The following SUGP2 variants were observed in gnomAD, a reference collection of about 807,000 sequenced individuals.
SUGP2 encodes the protein SURP and G-patch domain containing 2, also known as SURP and G-patch domain-containing protein 2.
SUGP2 carries 24 observed loss-of-function variants against 90.5 expected under a neutral mutation model. The ratio of observed to expected loss-of-function variants is 0.27; its 90% confidence interval spans 0.19 to 0.37. The LOEUF (loss-of-function observed/expected upper bound fraction) is 0.37, where lower values mean the gene tolerates loss of function less well. Ranked by LOEUF, SUGP2 falls within the 10% of genes least tolerant of loss-of-function variation. The pLI is 1.00. For missense variants in SUGP2, 1,233 were observed against 1,363.3 expected (o/e 0.90, Z 1.51); for synonymous variants, 473 against 513.4 (o/e 0.92, Z 1.06).
At chr19:19,011,828 C>A (rs2058324617) in intron 4 of SUGP2, among the ~76,000 whole-genome samples, 1 of 152,150 alleles carries the variant, frequency 6.6e-6, no homozygotes, top group Non-Finnish European at 1.5e-5. Flanking sequence ...GAAACCCCAT[C>A]TCTTTAAAAA....
At chr19:19,020,338 A>G (rs191312991) in intron 3 of SUGP2, among the ~76,000 whole-genome samples, 1 of 151,538 alleles carries the variant, frequency 6.6e-6, no homozygotes, top group Admixed American at 6.6e-5. Context: ...AGGCTGAGGC[A>G]GGAGAATAGC....
Position 19,019,095 on chromosome 19 carries a change from A to T in SUGP2, c.1850+14T>A. 1 of 1,610,488 alleles carries T rather than the reference A, an allele frequency of 6.2e-7. No individual in the cohort carries two copies. Among genetic ancestry groups the T allele is most frequent in the Non-Finnish European group, 8.5e-7 (1 of 1,177,046 alleles). ...CATGAGAGGGATTCACAGCGTGGAC[A>T]TTTAAAGACCTACCAGTAAGCAGGG... On this transcript the variant is annotated intron_variant, in intron 4 of 10. Coordinates refer to ENST00000452918, the MANE Select transcript of SUGP2 (RefSeq NM_001017392.5).
At chr19:19,006,735 A>C (rs2058091090) in intron 6 of SUGP2, among the ~76,000 whole-genome samples, 1 of 152,202 alleles carries the variant, frequency 6.6e-6, no homozygotes, top group Non-Finnish European at 1.5e-5. Flanking sequence ...CAGCTCCCCA[A>C]GGCCACTACT....
At chr19:19,015,695 C>T (rs886963073) in intron 4 of SUGP2, among the ~76,000 whole-genome samples, 1 of 151,994 alleles carries the variant, frequency 6.6e-6, no homozygotes, top group Non-Finnish European at 1.5e-5. Context: ...ATTAGAGACA[C>T]GGTTTCACTA....
At chr19:19,027,111 C>T (rs971416624) in intron 2 of SUGP2, among the ~76,000 whole-genome samples, 2 of 152,224 alleles carry the variant, frequency 1.3e-5, no homozygotes, top group South Asian at 2.1e-4. Context: ...GAGACCCTAT[C>T]TCTGTCAAAA....
At position 18,994,850 on chromosome 19, in the gene SUGP2, T is replaced by G. The variant is rs2057509939; in HGVS notation, c.3128+294A>C. 3 of 549,222 alleles carry G rather than the reference T, an allele frequency of 5.5e-6. No individual in the cohort carries two copies. In the South Asian group the frequency reaches 6.4e-5, roughly 12 times the overall value. The allele number at this position is 549,222 out of a possible 1,614,324, so 34.0% of individuals were successfully genotyped here. On this transcript the variant is annotated intron_variant, in intron 9 of 10. Coordinates refer to ENST00000452918, the MANE Select transcript of SUGP2 (RefSeq NM_001017392.5). Reference sequence around the variant, plus strand: ...TGGGTTCCCGGGAATGGGAAAGCAGTTCCAGACGGAAACTACACAGAAATA... The same window carrying G: ...TGGGTTCCCGGGAATGGGAAAGCAGGTCCAGACGGAAACTACACAGAAATA...
Position 19,004,372 on chromosome 19 carries a change from G to C in SUGP2, c.2725C>G (p.Pro909Ala). The stretch of plus-strand genomic sequence containing the variant: ...CCCTCAGACTTGCCCGCCCCTCCAG[G>C]AGCGGGGGCCTCCTCTCCCCCATCC... ...DEDGGEEAPA[P>A]GGAGKSEGST... is the part of the protein sequence containing the mutation. The change falls in exon 7 of 11, where the codon CCT becomes GCT. Residue 909 changes from proline to alanine, a missense_variant. Coordinates refer to ENST00000452918, the MANE Select transcript of SUGP2 (RefSeq NM_001017392.5). The C allele has an allele frequency of 6.2e-7, 1 of 1,613,810 alleles. No homozygotes were observed. The highest frequency in any genetic ancestry group is 1.3e-5 in the African/African-American group (1 of 75,048).
In SUGP2 at chr19:18,994,328, G is replaced by A. The variant is rs113454073; in HGVS notation, c.*38C>T. On this transcript the variant is annotated intron_variant, in intron 10 of 10. Coordinates refer to ENST00000452918, the MANE Select transcript of SUGP2 (RefSeq NM_001017392.5). ...TTTCTCTGCATACCAGCACGCCAGC[G>A]AGGGCAGACGGCCTTACACACTGGC... 1.3e-5 allele frequency: 20 copies of A among 1,599,290 alleles called. 1 individual carries two copies. Among genetic ancestry groups the A allele is most frequent in the African/African-American group, 1.1e-4 (8 of 74,656 alleles).
At chr19:19,031,900 GC>G (rs2059173769) in intron 1 of SUGP2, among the ~76,000 whole-genome samples, 1 of 146,726 alleles carries the variant, frequency 6.8e-6, no homozygotes, top group African/African-American at 2.5e-5. Flanking sequence ...CTGACCTCAA[GC>G]AATCTGCCCA....
intron 3 of SUGP2, 63 bp from the exon 4 acceptor site, chr19:19,019,292 A>G (rs2058619369): frequency 7.7e-6 from 12 of 1,558,880 alleles, no homozygotes; most frequent in Non-Finnish European, 9.6e-6. Flanking sequence ...GAAGACGAGG[A>G]TAGTTGAGTA....
chr19:19,004,402 C>T lies in SUGP2; in HGVS notation c.2695G>A (p.Asp899Asn), dbSNP rs1444838057. ...GGGGCCTCCTCTCCCCCATCCTCAT[C>T]GTCCTCGTCCTCCTCCTCAGGCATC... Reference protein sequence around the residue: ...EVMPEEEDEDDEDGGEEAPAP... With the variant: ...EVMPEEEDEDNEDGGEEAPAP... Residue 899 changes from aspartate to asparagine, a missense_variant, in exon 7 of 11, where the codon GAT becomes AAT. By Grantham distance (23) the Asp-to-Asn change is conservative. Around this residue, in one of 8 missense-constraint regions of SUGP2, gnomAD observed 540 missense variants for 542.6 expected, o/e 1.00. Transcript: ENST00000452918. The T allele has an allele frequency of 2.2e-5, 35 of 1,614,020 alleles. No individual in the cohort carries two copies. The highest frequency in any genetic ancestry group is 2.5e-5 in the Non-Finnish European group (30 of 1,180,042).
In SUGP2 at chr19:18,999,280, C is replaced by T. The variant is rs77030423; in HGVS notation, c.2991+2333G>A. The stretch of plus-strand genomic sequence containing the variant: ...CCTCCCTTCCACCCACAGTCACTGG[C>T]AGACAGGAGGACAGGTGCAGAGCCC... On this transcript the variant is annotated intron_variant, in intron 8 of 10. Transcript: ENST00000452918. Among the ~76,000 whole-genome samples the T allele has an allele frequency of 6.0e-3, 916 of 152,288 alleles. 9 individuals carry two copies. Among genetic ancestry groups the T allele is most frequent in the African/African-American group, 0.019 (802 of 41,562 alleles).
chr19:19,025,430 A>T lies in SUGP2; in HGVS notation c.918T>A (p.Asn306Lys), dbSNP rs1568455017. The T allele has an allele frequency of 1.2e-6, 2 of 1,614,206 alleles. No homozygotes were observed. Among genetic ancestry groups the T allele is most frequent in the Non-Finnish European group, 1.7e-6 (2 of 1,180,044 alleles). Residue 306 changes from asparagine (N) to lysine (K), a missense_variant, in exon 3 of 11, where the codon AAT becomes AAA. Physicochemically the swap from Asn to Lys is moderately conservative, Grantham distance 94. Coordinates refer to ENST00000452918, the MANE Select transcript of SUGP2 (RefSeq NM_001017392.5). ...QKIPLGLDLK[N>K]LRLPRRKMSF... is the part of the protein sequence containing the mutation. ...TCATCTTTCTTCTGGGGAGCCGAAG[A>T]TTCTTCAGATCCAGCCCCAGAGGGA...
In SUGP2 at chr19:18,994,459, C is replaced by A. The variant is rs747310264; in HGVS notation, c.3156G>T (p.Leu1052Phe). 21 of 1,614,076 alleles carry A rather than the reference C, an allele frequency of 1.3e-5. No homozygotes were observed. The highest frequency in any genetic ancestry group is 1.6e-5 in the Non-Finnish European group (19 of 1,180,020). The change falls in exon 10 of 11, where the codon TTG (leucine) becomes TTT (phenylalanine). Residue 1052 changes from leucine to phenylalanine, a missense_variant. Physicochemically the swap from Leu to Phe is conservative, Grantham distance 22. Around this residue, in one of 8 missense-constraint regions of SUGP2, gnomAD observed 53 missense variants for 55.3 expected, o/e 0.96. Coordinates refer to ENST00000452918, the MANE Select transcript of SUGP2 (RefSeq NM_001017392.5). ...CTTTGTGCTCCTGCCCGTCAGCACC[C>A]AACCCTTCCCCTTCCGAGGGGGTTC... ...SVGTPSEGEG[L>F]GADGQEHKED...
chr19:19,002,505 G>GTTTTTTTTTTTTTT (rs58282570), intron 7 of SUGP2, among the ~76,000 whole-genome samples: 1 of 61,102 alleles, frequency 1.6e-5, no homozygotes, highest in African/African-American at 6.4e-5. Flanking sequence ...TAGCAAGTCT[G>GTTTTTTTTTTTTTT]TTTTTTTTTT....
intron 4 of SUGP2, among the ~76,000 whole-genome samples, chr19:19,013,227 G>C (rs962156740): frequency 1.3e-5 from 2 of 152,130 alleles, no homozygotes; most frequent in Non-Finnish European, 2.9e-5. Context: ...TGTAGTGCAG[G>C]CACCAAGATT....
chr19:19,010,165 C>A lies in SUGP2; in HGVS notation c.2028G>T (p.Pro676=), dbSNP rs772360400. 1.9e-6 allele frequency: 3 copies of A among 1,613,542 alleles called. No homozygotes were observed. The highest frequency in any genetic ancestry group is 2.5e-6 in the Non-Finnish European group (3 of 1,179,928). The stretch of plus-strand genomic sequence containing the variant: ...CACGGAGGAGCCCCCGCCGCTGCCA[C>A]GGAAGGAGTTTCTTCTTGAGGTTGC... ...AVRNLKKKLL[P]WQRRGLLRAQ... Residue 676 remains proline (P), a synonymous_variant, in exon 5 of 11, where the codon CCG becomes CCT. Transcript: ENST00000452918.
chr19:19,030,760 T>C (rs917949310), intron 2 of SUGP2, among the ~76,000 whole-genome samples, 191 bp downstream of exon 2: 3 of 152,078 alleles, frequency 2.0e-5, no homozygotes, highest in African/African-American at 4.8e-5. Context: ...CACTTCAGCC[T>C]GGGGGAGAGA....
At chr19:18,994,708 C>T (rs970115466) in intron 9 of SUGP2, 2 of 590,352 alleles carry the variant, frequency 3.4e-6, no homozygotes, top group Admixed American at 3.1e-5. Context: ...CTGGTTACCT[C>T]GGAATGCCTT....
Sources: allele counts gnomAD v4.1 joint callset (sites outside exome capture counted in the v4.1 genomes callset), GRCh38; gene constraint gnomAD v4.1.1; regional missense constraint gnomAD v4.1.1; transcripts MANE v1.5; gene names NCBI Gene and HGNC (gene_info 2026-07-23, HGNC 2026-07-21).